Variants in ARHGAP10 observed in about 807,000 individuals in gnomAD.
The protein encoded by ARHGAP10 is rho GTPase-activating protein 10.
In ARHGAP10, 87 loss-of-function variants were observed where a neutral mutation model predicts 108.6. That is an observed-to-expected ratio of 0.80 (90% CI 0.67 to 0.96). The LOEUF is 0.96. Ranked by LOEUF, ARHGAP10 falls within the 40% of genes least tolerant of loss-of-function variation. The pLI is 0.00. For synonymous variants in ARHGAP10, 347 were observed against 341.1 expected (o/e 1.02, Z -0.19); for missense variants, 939 against 954.5 (o/e 0.98, Z 0.21).
chr4:147,770,646 C>T (rs1730039368), intron 1 of ARHGAP10, among the ~76,000 whole-genome samples: 1 of 152,126 alleles, frequency 6.6e-6, no homozygotes, highest in Non-Finnish European at 1.5e-5. Flanking sequence ...TTCTTTGTAC[C>T]AAGCTAAGTA....
chr4:147,758,879 T>C (rs1471594968), intron 1 of ARHGAP10, among the ~76,000 whole-genome samples: 2 of 149,988 alleles, frequency 1.3e-5, no homozygotes, highest in Non-Finnish European at 2.9e-5. Context: ...CTTGGGAGGC[T>C]GAGACGTGAG....
At chr4:147,931,737 A>G (rs1737696094) in intron 13 of ARHGAP10, among the ~76,000 whole-genome samples, 2 of 152,264 alleles carry the variant, frequency 1.3e-5, no homozygotes, top group African/African-American at 4.8e-5. Flanking sequence ...ATTAAAAAAG[A>G]TAATAGATCA....
intron 3 of ARHGAP10, among the ~76,000 whole-genome samples, chr4:147,831,454 A>G (rs190831462): frequency 1.9e-4 from 29 of 152,316 alleles, no homozygotes; most frequent in Admixed American, 4.6e-4. Flanking sequence ...TCATCTTATT[A>G]TATTTACAGT....
chr4:147,966,717 G>A lies in ARHGAP10; in HGVS notation c.1594G>A (p.Ala532Thr), dbSNP rs370860233. The change falls in exon 18 of 23, where the codon GCA becomes ACA. Residue 532 changes from alanine to threonine, a missense_variant. Transcript: ENST00000336498. ...CTCCAAGCAGAACCTGATGACTGTG[G>A]CAAACTTAGGAGTGGTGTTTGGACC... ...NHSKQNLMTV[A>T]NLGVVFGPTL... 2 of 1,593,116 alleles carry A rather than the reference G, an allele frequency of 1.3e-6. No individual in the cohort carries two copies. The highest frequency in any genetic ancestry group is 2.7e-5 in the African/African-American group (2 of 74,768).
At chr4:147,889,240 G>A (rs532192417) in intron 10 of ARHGAP10, among the ~76,000 whole-genome samples, 1 of 152,308 alleles carries the variant, frequency 6.6e-6, no homozygotes, top group East Asian at 1.9e-4. Flanking sequence ...CTAACTTGTT[G>A]TGGAGTTTGT....
At position 147,750,871 on chromosome 4, in the gene ARHGAP10, G is replaced by C. The variant is rs572571259; in HGVS notation, c.154+18416G>C. Among the ~76,000 whole-genome samples, 135 of 152,180 alleles carry C rather than the reference G, an allele frequency of 8.9e-4. No individual in the cohort carries two copies. In the South Asian group the frequency reaches 0.027, roughly 31 times the overall value. ...CTGCCTCAGCCTCCCAAAGTGCTGT[G>C]ATTACAGGCGTGAGCCACTGGTGCC... On this transcript the variant is annotated intron_variant, in intron 1 of 22. Coordinates refer to ENST00000336498, the MANE Select transcript of ARHGAP10 (RefSeq NM_024605.4).
intron 5 of ARHGAP10, chr4:147,863,468 T>C (rs755399080): frequency 6.6e-6 from 1 of 152,246 alleles, no homozygotes; most frequent in Non-Finnish European, 1.5e-5. Context: ...GTTATACATA[T>C]GGATTGGCTA....
chr4:148,052,984 C>A (rs1009225270), intron 20 of ARHGAP10, among the ~76,000 whole-genome samples: 1 of 152,124 alleles, frequency 6.6e-6, no homozygotes, highest in African/African-American at 2.4e-5. Context: ...GTATTAGATA[C>A]CCTCTTGGCA....
At chr4:147,822,116 A>G (rs910975482) in intron 1 of ARHGAP10, among the ~76,000 whole-genome samples, 4 of 152,228 alleles carry the variant, frequency 2.6e-5, no homozygotes, top group Non-Finnish European at 4.4e-5. Context: ...TTAATCTCCA[A>G]TTAAGATGAG....
At chr4:147,982,517 C>T (rs993668435) in intron 18 of ARHGAP10, among the ~76,000 whole-genome samples, 6 of 145,454 alleles carry the variant, frequency 4.1e-5, no homozygotes, top group South Asian at 2.2e-4. Flanking sequence ...GCTGGGACTA[C>T]AGGCATGTGC....
intron 1 of ARHGAP10, among the ~76,000 whole-genome samples, chr4:147,734,099 T>C (rs1260616461): frequency 6.6e-6 from 1 of 152,078 alleles, no homozygotes; most frequent in Non-Finnish European, 1.5e-5. Context: ...GACTGAGGAC[T>C]CTTTCTGTAA....
intron 18 of ARHGAP10, among the ~76,000 whole-genome samples, chr4:147,968,680 T>C (rs529071840): frequency 9.9e-5 from 15 of 152,268 alleles, no homozygotes; most frequent in Non-Finnish European, 1.5e-4. Flanking sequence ...GATTTTTTTT[T>C]CTTCAGTCAC....
chr4:148,016,270 G>A (rs1399170954), intron 18 of ARHGAP10, among the ~76,000 whole-genome samples: 1 of 152,150 alleles, frequency 6.6e-6, no homozygotes, highest in Non-Finnish European at 1.5e-5. Context: ...TTGAGAGGCT[G>A]GGGTGGGAGG....
rs145234400 is a variant in ARHGAP10 at position 147,966,774 on chromosome 4, G to A, written c.1651G>A (p.Ala551Thr). The A allele has an allele frequency of 1.5e-4, 239 of 1,604,938 alleles. No homozygotes were observed. The highest frequency in any genetic ancestry group is 1.9e-4 in the Non-Finnish European group (224 of 1,173,718). Residue 551 changes from alanine (A) to threonine (T), a missense_variant, in exon 18 of 23, where the codon GCT becomes ACT. Transcript: ENST00000336498. ...TLMRPQEETV[A>T]ALMDLKFQNI... is the part of the protein sequence containing the mutation. Reference sequence around the variant, plus strand: ...GATGAGGCCACAGGAAGAAACTGTCGCTGCCCTCATGGACTTGAAGTTTCA... The same window carrying A: ...GATGAGGCCACAGGAAGAAACTGTCACTGCCCTCATGGACTTGAAGTTTCA...
At chr4:147,770,992 C>A (rs1730053850) in intron 1 of ARHGAP10, among the ~76,000 whole-genome samples, 2 of 152,046 alleles carry the variant, frequency 1.3e-5, no homozygotes, top group Non-Finnish European at 2.9e-5. Flanking sequence ...TCCTAATCTT[C>A]TTTTCTTTTA....
chr4:148,031,528 C>T (rs1401166952), intron 19 of ARHGAP10, among the ~76,000 whole-genome samples: 3 of 152,192 alleles, frequency 2.0e-5, no homozygotes, highest in African/African-American at 7.2e-5. Context: ...CTTAATCACT[C>T]TACTAGAGTG....
intron 4 of ARHGAP10, among the ~76,000 whole-genome samples, chr4:147,856,687 T>C (rs1734097760): frequency 6.6e-6 from 1 of 152,222 alleles, no homozygotes; most frequent in Admixed American, 6.5e-5. Flanking sequence ...TACACAGATA[T>C]TCCAAAATTC....
chr4:148,072,120 G>C lies in ARHGAP10; in HGVS notation c.*39G>C. ...AGCCCCTGCTGACCCTGGCACCCAGGGACCTGCCTGGGGGCAGAGAGCTGT... is the reference window on the plus strand; with the variant it reads ...AGCCCCTGCTGACCCTGGCACCCAGCGACCTGCCTGGGGGCAGAGAGCTGT... On this transcript the variant is annotated 3_prime_UTR_variant, in exon 23 of 23. Transcript: ENST00000336498. 6.3e-7 allele frequency: 1 copy of C among 1,576,820 alleles called. No individual in the cohort carries two copies. The highest frequency in any genetic ancestry group is 8.6e-7 in the Non-Finnish European group (1 of 1,156,600).
chr4:147,864,620 G>C (rs1734467662), intron 5 of ARHGAP10: 1 of 443,294 alleles, frequency 2.3e-6, no homozygotes, highest in Admixed American at 4.1e-5. Context: ...TTAGACTTCT[G>C]TGGACCATAA....
Sources: allele counts gnomAD v4.1 joint callset (sites outside exome capture counted in the v4.1 genomes callset), GRCh38; gene constraint gnomAD v4.1.1; transcripts MANE v1.5; gene names NCBI Gene and HGNC (gene_info 2026-07-23, HGNC 2026-07-21).